NYNRIN: variants seen among roughly 807,000 people sequenced by gnomAD.
NYNRIN encodes the protein protein NYNRIN.
A neutral mutation model predicts 146.6 loss-of-function variants in NYNRIN; 86 were observed. That is an observed-to-expected ratio of 0.59 (90% CI 0.49 to 0.70). The LOEUF (loss-of-function observed/expected upper bound fraction) is 0.70. NYNRIN is among the 30% of genes least tolerant of loss of function. The probability of loss-of-function intolerance (pLI) is 0.00; values close to 1 mark genes in which losing one functional copy is unlikely to be tolerated. For missense variants in NYNRIN, 2,191 were observed against 2,377.7 expected (o/e 0.92, Z 1.63); for synonymous variants, 1,027 against 1,001.3 (o/e 1.03, Z -0.48).
At position 24,415,157 on chromosome 14, in the gene NYNRIN, G is replaced by A. The variant is rs1253502865; in HGVS notation, c.3408G>A (p.Glu1136=). 1 of 1,606,210 alleles carries A rather than the reference G, an allele frequency of 6.2e-7. No individual in the cohort carries two copies. Among genetic ancestry groups the A allele is most frequent in the Admixed American group, 1.7e-5 (1 of 59,998 alleles). Residue 1136 remains glutamate (E), a synonymous_variant, in exon 9 of 9, where the codon GAG becomes GAA. Coordinates refer to ENST00000382554, the MANE Select transcript of NYNRIN (RefSeq NM_025081.3). ...PDWQWDQEHE[E]AFLALKRALV... ...GGCAGTGGGACCAGGAGCATGAGGAGGCCTTCCTGGCCCTGAAGCGAGCCC... is the reference window on the plus strand; with the variant it reads ...GGCAGTGGGACCAGGAGCATGAGGAAGCCTTCCTGGCCCTGAAGCGAGCCC...
chr14:24,404,735 G>A (rs2042866002), intron 2 of NYNRIN, among the ~76,000 whole-genome samples: 1 of 152,196 alleles, frequency 6.6e-6, no homozygotes, highest in African/African-American at 2.4e-5. Context: ...GGCTGGCCAG[G>A]TTTTCCAGAA....
chr14:24,405,832 T>G (rs1325677667), intron 2 of NYNRIN, among the ~76,000 whole-genome samples: 1 of 152,230 alleles, frequency 6.6e-6, no homozygotes, highest in Non-Finnish European at 1.5e-5. Context: ...TATTTATTAT[T>G]TTAAAAATTA....
At position 24,414,723 on chromosome 14, in the gene NYNRIN, G is replaced by A; in HGVS notation, c.2974G>A (p.Val992Ile). The change falls in exon 9 of 9, where the codon GTC (valine) becomes ATC (isoleucine). Residue 992 changes from valine to isoleucine, a missense_variant. By Grantham distance (29) the Val-to-Ile change is conservative. This residue lies in a region of NYNRIN where 1,291 missense variants were observed against 1,417.0 expected (regional missense o/e 0.91). Coordinates refer to ENST00000382554, the MANE Select transcript of NYNRIN (RefSeq NM_025081.3). ...PLESLPNMEEVREEKEERQDE... is the reference protein window; with the variant it reads ...PLESLPNMEEIREEKEERQDE... Reference sequence around the variant, plus strand: ...GGAGAGTCTGCCGAATATGGAAGAAGTCAGGGAAGAGAAGGAGGAGAGGCA... The same window carrying A: ...GGAGAGTCTGCCGAATATGGAAGAAATCAGGGAAGAGAAGGAGGAGAGGCA... 1 of 1,613,610 alleles carries A rather than the reference G, an allele frequency of 6.2e-7. No individual in the cohort carries two copies. Among genetic ancestry groups the A allele is most frequent in the South Asian group, 1.1e-5 (1 of 91,028 alleles).
At position 24,413,111 on chromosome 14, in the gene NYNRIN, C is replaced by T. The variant is rs750851543; in HGVS notation, c.2744+13C>T. On this transcript the variant is annotated intron_variant, in intron 7 of 8. Transcript: ENST00000382554. Reference sequence around the variant, plus strand: ...TGGTCAAAGATCGGTAAGATGGTCCCCAGAGGCTTGAGCCATTCCTTCCCC... The same window carrying T: ...TGGTCAAAGATCGGTAAGATGGTCCTCAGAGGCTTGAGCCATTCCTTCCCC... The T allele has an allele frequency of 2.6e-6, 4 of 1,550,280 alleles. No individual in the cohort carries two copies. In the Admixed American group the frequency reaches 5.7e-5, roughly 22 times the overall value.
At position 24,411,102 on chromosome 14, in the gene NYNRIN, G is replaced by T. The variant is rs1353257595; in HGVS notation, c.2441G>T (p.Cys814Phe). 6.2e-7 allele frequency: 1 copy of T among 1,613,698 alleles called. No individual in the cohort carries two copies. The highest frequency in any genetic ancestry group is 2.2e-5 in the East Asian group (1 of 44,874). Residue 814 changes from cysteine to phenylalanine, a missense_variant, in exon 5 of 9, where the codon TGC becomes TTC. This residue lies in a region of NYNRIN where 1,291 missense variants were observed against 1,417.0 expected (regional missense o/e 0.91). Coordinates refer to ENST00000382554, the MANE Select transcript of NYNRIN (RefSeq NM_025081.3). The surrounding 1 kb of genome is among the most constrained non-coding windows in gnomAD (Gnocchi z 4.3). ...MVHGLQHFFS[C>F]RGIAMAVQFF... ...CATGGCCTGCAGCACTTCTTCTCCT[G>T]CCGAGGAATTGCCATGGCAGTGCAG...
At chr14:24,399,741 C>T (rs2042829268) in intron 2 of NYNRIN, among the ~76,000 whole-genome samples, 1 of 152,166 alleles carries the variant, frequency 6.6e-6, no homozygotes, top group Non-Finnish European at 1.5e-5. Flanking sequence ...CATGAGACTT[C>T]CCTGGCCAGG....
Position 24,411,862 on chromosome 14 carries a change from A to T in NYNRIN, c.2642+412A>T, listed in dbSNP as rs563188851. Among the ~76,000 whole-genome samples, 1 of 152,150 alleles carries T rather than the reference A, an allele frequency of 6.6e-6. No homozygotes were observed. The highest frequency in any genetic ancestry group is 2.4e-5 in the African/African-American group (1 of 41,506). Reference sequence around the variant, plus strand: ...GGAGGTCTGTGCATGGCTGATGTGGATGGAGCCCTGGGCAGGGCTCTGGAA... The same window carrying T: ...GGAGGTCTGTGCATGGCTGATGTGGTTGGAGCCCTGGGCAGGGCTCTGGAA... On this transcript the variant is annotated intron_variant, in intron 6 of 8. Transcript: ENST00000382554. The surrounding 1 kb of genome is among the most constrained non-coding windows in gnomAD (Gnocchi z 4.3).
chr14:24,407,367 G>A (rs941092733), intron 2 of NYNRIN, among the ~76,000 whole-genome samples: 2 of 152,174 alleles, frequency 1.3e-5, no homozygotes, highest in African/African-American at 4.8e-5. Context: ...GCAGGCACGG[G>A]GGCAGGCGTG....
chr14:24,410,287 C>A, intron 4 of NYNRIN, 79 bp downstream of exon 4: 1 of 1,200,060 alleles, frequency 8.3e-7, no homozygotes, highest in Non-Finnish European at 1.2e-6. Flanking sequence ...AGAATGTGGG[C>A]ATCCCTTCCC....
Position 24,418,101 on chromosome 14 carries a change from A to G in NYNRIN, c.*655A>G. On this transcript the variant is annotated 3_prime_UTR_variant, in exon 9 of 9. Transcript: ENST00000382554. ...TCTTGGAGTGGGAGGATGGCCAGCC[A>G]CAAGCCACCAGCTTGTCAGCATGGG... 1 of 367,794 alleles carries G rather than the reference A, an allele frequency of 2.7e-6. No individual in the cohort carries two copies. The highest frequency in any genetic ancestry group is 5.4e-6 in the Non-Finnish European group (1 of 185,556). 22.8% of individuals were successfully genotyped at this position (367,794 alleles called of 1,614,324 possible).
chr14:24,416,621 G>A lies in NYNRIN; in HGVS notation c.4872G>A (p.Pro1624=), dbSNP rs375318662. 8.1e-5 allele frequency: 130 copies of A among 1,613,802 alleles called. No individual in the cohort carries two copies. The highest frequency in any genetic ancestry group is 1.0e-4 in the Non-Finnish European group (121 of 1,179,890). The stretch of plus-strand genomic sequence containing the variant: ...ACCTGCAGATCGAGGTGGTGGGCCC[G>A]GTCACCATAAGTGAGGAGGGCCATA... ...WSNLQIEVVG[P]VTISEEGHKH... is the part of the protein sequence containing the mutation. The change falls in exon 9 of 9, where the codon CCG becomes CCA. Residue 1624 remains proline, a synonymous_variant. Transcript: ENST00000382554.
Position 24,409,474 on chromosome 14 carries a change from A to T in NYNRIN, c.1680A>T (p.Arg560Ser). ...AAVPKAENPS[R>S]TQVPSAAPKL... The stretch of plus-strand genomic sequence containing the variant: ...TGCCCAAAGCTGAAAATCCCTCCAG[A>T]ACTCAAGTGCCATCTGCAGCTCCCA... The change falls in exon 4 of 9, where the codon AGA becomes AGT. Residue 560 changes from arginine to serine, a missense_variant. Around this residue, in one of 3 missense-constraint regions of NYNRIN, gnomAD observed 895 missense variants for 941.2 expected, o/e 0.95. Transcript: ENST00000382554. 1 of 1,613,936 alleles carries T rather than the reference A, an allele frequency of 6.2e-7. No individual in the cohort carries two copies. The highest frequency in any genetic ancestry group is 8.5e-7 in the Non-Finnish European group (1 of 1,179,872).
In NYNRIN at chr14:24,416,685, G is replaced by A. The variant is rs1366412437; in HGVS notation, c.4936G>A (p.Val1646Met). The stretch of plus-strand genomic sequence containing the variant: ...TGTGGCTGACCCAAACACCAGGTGG[G>A]TGGAGGCATTCCCCCTGAAGCCCTA... ...LIVADPNTRW[V>M]EAFPLKPYTH... The change falls in exon 9 of 9, where the codon GTG becomes ATG. Residue 1646 changes from valine (V) to methionine (M), a missense_variant. This residue lies in a region of NYNRIN where 1,291 missense variants were observed against 1,417.0 expected (regional missense o/e 0.91). Coordinates refer to ENST00000382554, the MANE Select transcript of NYNRIN (RefSeq NM_025081.3). The A allele has an allele frequency of 5.6e-6, 9 of 1,613,814 alleles. No homozygotes were observed. The East Asian group carries it at 1.3e-4, about 24-fold the overall frequency.
rs1235175219 is a variant in NYNRIN at position 24,415,136 on chromosome 14, G to A, written c.3387G>A (p.Gln1129=). 6.2e-7 allele frequency: 1 copy of A among 1,605,752 alleles called. No individual in the cohort carries two copies. The highest frequency in any genetic ancestry group is 8.5e-7 in the Non-Finnish European group (1 of 1,179,040). ...HSLLKQKPDW[Q]WDQEHEEAFL... ...TCCTCAAGCAGAAGCCTGACTGGCA[G>A]TGGGACCAGGAGCATGAGGAGGCCT... The change falls in exon 9 of 9, where the codon CAG becomes CAA. Residue 1129 remains glutamine (Q), a synonymous_variant. Coordinates refer to ENST00000382554, the MANE Select transcript of NYNRIN (RefSeq NM_025081.3).
Position 24,417,599 on chromosome 14 carries a change from A to G in NYNRIN, c.*153A>G. ...ATAAAGCTTTGCTGAATTGCCTTGA[A>G]CTAGGGACCAGCATCCCCATGGAAA... On this transcript the variant is annotated 3_prime_UTR_variant, in exon 9 of 9. Transcript: ENST00000382554. 1 of 1,107,088 alleles carries G rather than the reference A, an allele frequency of 9.0e-7. No homozygotes were observed. The highest frequency in any genetic ancestry group is 1.2e-6 in the Non-Finnish European group (1 of 835,560). The allele number at this position is 1,107,088 out of a possible 1,614,324, so 68.6% of individuals were successfully genotyped here.
chr14:24,408,403 G>A lies in NYNRIN; in HGVS notation c.733G>A (p.Val245Met), dbSNP rs1284985312. 7.4e-6 allele frequency: 12 copies of A among 1,613,734 alleles called. 1 individual carries two copies. In the South Asian group the frequency reaches 9.9e-5, roughly 13 times the overall value. ...CGTGGGAGAGAGTCCTGGACCCTTTGTGGACATGGGGACCCTCCAGAACAG... is the reference window on the plus strand; with the variant it reads ...CGTGGGAGAGAGTCCTGGACCCTTTATGGACATGGGGACCCTCCAGAACAG... ...VSVGESPGPF[V>M]DMGTLQNRGP... The change falls in exon 3 of 9, where the codon GTG becomes ATG. Residue 245 changes from valine to methionine, a missense_variant. Val to Met is a conservative substitution (Grantham distance 21). Transcript: ENST00000382554.
In NYNRIN at chr14:24,414,714, A is replaced by G. The variant is rs1445527904; in HGVS notation, c.2965A>G (p.Met989Val). ...TGGGCCCCTGGAGAGTCTGCCGAAT[A>G]TGGAAGAAGTCAGGGAAGAGAAGGA... Reference protein sequence around the residue: ...DSGPLESLPNMEEVREEKEER... With the variant: ...DSGPLESLPNVEEVREEKEER... Residue 989 changes from methionine (M) to valine (V), a missense_variant, in exon 9 of 9, where the codon ATG becomes GTG. Physicochemically the swap from Met to Val is conservative, Grantham distance 21. Coordinates refer to ENST00000382554, the MANE Select transcript of NYNRIN (RefSeq NM_025081.3). 1.9e-6 allele frequency: 3 copies of G among 1,613,636 alleles called. No homozygotes were observed. Among genetic ancestry groups the G allele is most frequent in the Non-Finnish European group, 2.5e-6 (3 of 1,179,702 alleles).
chr14:24,414,747 C>G lies in NYNRIN; in HGVS notation c.2998C>G (p.Gln1000Glu). Residue 1000 changes from glutamine to glutamate, a missense_variant, in exon 9 of 9, where the codon CAG (glutamine) becomes GAG (glutamate). By Grantham distance (29) the Gln-to-Glu change is conservative. This residue lies in a region of NYNRIN where 1,291 missense variants were observed against 1,417.0 expected (regional missense o/e 0.91). Coordinates refer to ENST00000382554, the MANE Select transcript of NYNRIN (RefSeq NM_025081.3). The stretch of plus-strand genomic sequence containing the variant: ...AGTCAGGGAAGAGAAGGAGGAGAGG[C>G]AGGATGAGGAGCAGAGACAGGGGCA... ...EEVREEKEERQDEEQRQGQGT... is the reference protein window; with the variant it reads ...EEVREEKEEREDEEQRQGQGT... 6.2e-7 allele frequency: 1 copy of G among 1,613,588 alleles called. No individual in the cohort carries two copies. Among genetic ancestry groups the G allele is most frequent in the Non-Finnish European group, 8.5e-7 (1 of 1,179,716 alleles).
intron 2 of NYNRIN, among the ~76,000 whole-genome samples, chr14:24,402,202 A>C (rs1282187172): frequency 6.6e-6 from 1 of 152,174 alleles, no homozygotes; most frequent in Non-Finnish European, 1.5e-5. Context: ...GGTGGGATTA[A>C]AGAACACTGA....
Sources: gnomAD v4.1 joint callset for allele counts (sites outside exome capture counted in the v4.1 genomes callset) on GRCh38, gnomAD v4.1.1 for gene constraint, gnomAD v4.1.1 regional missense constraint, Gnocchi (gnomAD v3.1) non-coding constraint, MANE v1.5 for transcripts, NCBI Gene and HGNC (gene_info 2026-07-23, HGNC 2026-07-21) for gene names.